IPO11: variants seen among roughly 807,000 people sequenced by gnomAD.
The protein encoded by IPO11 is importin 11, also known as importin-11.
In IPO11, 66 loss-of-function variants were observed where a neutral mutation model predicts 143.2. The ratio of observed to expected loss-of-function variants is 0.46; its 90% CI spans 0.38 to 0.57. The LOEUF is 0.57. IPO11 is among the 20% of genes least tolerant of loss of function. IPO11 has a pLI of 0.00. For missense variants in IPO11, 1,026 were observed against 1,141.0 expected (o/e 0.90, Z 1.45); for synonymous variants, 385 against 377.8 (o/e 1.02, Z -0.22).
intron 22 of IPO11, among the ~76,000 whole-genome samples, chr5:62,535,016 A>C (rs201682924): frequency 1.1e-5 from 1 of 88,584 alleles, no homozygotes; most frequent in Non-Finnish European, 2.2e-5. Context: ...GTATAATATT[A>C]ATATTTATTT....
At chr5:62,572,545 G>GTTTGTTTATTTA (rs375958074) in intron 27 of IPO11, among the ~76,000 whole-genome samples, 1,631 of 86,020 alleles carry the variant, frequency 0.019, 21 homozygotes, top group African/African-American at 0.055. Context: ...ATATTTGTTT[G>GTTTGTTTATTTA]TTTATTTATT....
At chr5:62,442,867 A>ACAAAACAAAC in intron 2 of IPO11, 116 bp from the exon 3 acceptor site, 1 of 579,420 alleles carries the variant, frequency 1.7e-6, no homozygotes, top group Non-Finnish European at 2.8e-6. Flanking sequence ...TGTCTCAAAA[A>ACAAAACAAAC]CAAAACAAAA....
At chr5:62,426,480 A>C (rs1743745504) in intron 1 of IPO11, among the ~76,000 whole-genome samples, 1 of 152,196 alleles carries the variant, frequency 6.6e-6, no homozygotes, top group Non-Finnish European at 1.5e-5. Context: ...ATGAGAGTGC[A>C]GTTATTGACT....
intron 26 of IPO11, among the ~76,000 whole-genome samples, chr5:62,554,690 A>T (rs1333229069): frequency 9.0e-6 from 1 of 110,864 alleles, no homozygotes; most frequent in East Asian, 3.0e-4. Flanking sequence ...TATATACTGT[A>T]TTTGTTATAC....
intron 26 of IPO11, among the ~76,000 whole-genome samples, chr5:62,559,976 G>A (rs1724987927): frequency 6.6e-6 from 1 of 150,820 alleles, no homozygotes; most frequent in South Asian, 2.1e-4. Flanking sequence ...TTGTTCAAGG[G>A]GCAGCAAGAC....
intron 19 of IPO11, 133 bp downstream of exon 19, chr5:62,506,490 T>G: frequency 1.9e-6 from 1 of 537,472 alleles, no homozygotes; most frequent in Non-Finnish European, 3.3e-6. Flanking sequence ...GATTGTGGTT[T>G]CAGTTATGTA....
chr5:62,516,426 T>G (rs1048384480), intron 20 of IPO11, among the ~76,000 whole-genome samples: 1 of 152,080 alleles, frequency 6.6e-6, no homozygotes, highest in Admixed American at 6.6e-5. Context: ...CCCAAGTAGC[T>G]GGGATTACAG....
At chr5:62,598,536 T>TTTC (rs1554057746) in intron 28 of IPO11, among the ~76,000 whole-genome samples, 1 of 6,096 alleles carries the variant, frequency 1.6e-4, no homozygotes, top group Non-Finnish European at 2.6e-4. Flanking sequence ...CTTTTCTTTC[T>TTTC]TTTCTTTCTT....
chr5:62,589,603 T>C (rs1744936285), intron 27 of IPO11, among the ~76,000 whole-genome samples: 1 of 152,202 alleles, frequency 6.6e-6, no homozygotes, highest in Non-Finnish European at 1.5e-5. Flanking sequence ...TTCAGGCTGC[T>C]ACCATCTCTT....
At chr5:62,476,293 A>G (rs1745954781) in intron 8 of IPO11, among the ~76,000 whole-genome samples, 1 of 152,208 alleles carries the variant, frequency 6.6e-6, no homozygotes, top group Non-Finnish European at 1.5e-5. Context: ...CAGGGAAATT[A>G]TCAGAATAAA....
At chr5:62,574,444 G>T (rs1744246633) in intron 27 of IPO11, among the ~76,000 whole-genome samples, 1 of 152,150 alleles carries the variant, frequency 6.6e-6, no homozygotes, top group East Asian at 1.9e-4. Flanking sequence ...TTCTAATATA[G>T]CTCAGATCTG....
intron 16 of IPO11, among the ~76,000 whole-genome samples, chr5:62,501,374 C>A (rs964470644): frequency 6.6e-6 from 1 of 152,086 alleles, no homozygotes; most frequent in Non-Finnish European, 1.5e-5. Context: ...ATAAAATAAT[C>A]TGTGTTTGAG....
At chr5:62,511,569 CA>C (rs1271499954) in intron 19 of IPO11, among the ~76,000 whole-genome samples, 1 of 152,140 alleles carries the variant, frequency 6.6e-6, no homozygotes, top group African/African-American at 2.4e-5. Flanking sequence ...TCCCCACTAA[CA>C]CTTCACCACA....
At chr5:62,588,752 T>C (rs1404106281) in intron 27 of IPO11, among the ~76,000 whole-genome samples, 1 of 152,210 alleles carries the variant, frequency 6.6e-6, no homozygotes, top group Non-Finnish European at 1.5e-5. Context: ...GTATATCTGC[T>C]TAGGGTGTAA....
In IPO11 at chr5:62,469,055, ATAT is replaced by A. The variant is rs1261630827; in HGVS notation, c.650-1191_650-1189del. ...TGACACCTGTGACAGAGGCTTTATG[ATAT>A]TATGATAACTGATAATATGATCAGA... On this transcript the variant is annotated intron_variant, in intron 6 of 29. Coordinates refer to ENST00000325324, the MANE Select transcript of IPO11 (RefSeq NM_016338.5). 2.6e-5 allele frequency among the ~76,000 whole-genome samples: 4 copies of A among 152,328 alleles called. No homozygotes were observed. The East Asian group carries it at 7.7e-4, about 29-fold the overall frequency.
chr5:62,462,800 T>C (rs1043164631), intron 5 of IPO11, among the ~76,000 whole-genome samples: 1 of 152,156 alleles, frequency 6.6e-6, no homozygotes, highest in Admixed American at 6.5e-5. Context: ...GTGCCTGTTT[T>C]ATTTGGCTGA....
At chr5:62,418,866 G>C (rs759184228) in intron 1 of IPO11, 1 of 860,078 alleles carries the variant, frequency 1.2e-6, no homozygotes, top group Non-Finnish European at 1.7e-6. Context: ...ATATGCCTGT[G>C]CAGGGGTTTC....
Position 62,626,275 on chromosome 5 carries a change from G to T in IPO11, c.2764-879G>T, listed in dbSNP as rs536099765. 4.7e-4 allele frequency among the ~76,000 whole-genome samples: 71 copies of T among 152,288 alleles called. 1 individual carries two copies. Among genetic ancestry groups the T allele is most frequent in the African/African-American group, 1.7e-3 (70 of 41,550 alleles). ...GAACTCCTGACCTTGTGATCTGCCT[G>T]CCTCAGCCTCCTAAAGTGCTGGGAT... On this transcript the variant is annotated intron_variant, in intron 29 of 29. Coordinates refer to ENST00000325324, the MANE Select transcript of IPO11 (RefSeq NM_016338.5).
intron 1 of IPO11, among the ~76,000 whole-genome samples, chr5:62,433,423 G>A (rs1744063453): frequency 6.6e-6 from 1 of 152,144 alleles, no homozygotes; most frequent in African/African-American, 2.4e-5. Flanking sequence ...TATTGGTTCT[G>A]TGTGGGAGAT....
Sources: allele counts gnomAD v4.1 joint callset (sites outside exome capture counted in the v4.1 genomes callset), GRCh38; gene constraint gnomAD v4.1.1; transcripts MANE v1.5; gene names NCBI Gene and HGNC (gene_info 2026-07-23, HGNC 2026-07-21).